Variants in ZNF69 observed in about 807,000 individuals in gnomAD.
The protein encoded by ZNF69 is zinc finger protein 69, also known as ZNF3.
ZNF69 carries 47 observed loss-of-function variants against 50.9 expected under a neutral mutation model. The observed-to-expected ratio is 0.92, with a 90% CI of 0.73 to 1.18. ZNF69 has a LOEUF of 1.18. Ranked by LOEUF, ZNF69 falls within the 50% of genes most tolerant of loss-of-function variation. The pLI, the probability that ZNF69 is intolerant of heterozygous loss-of-function variation, is 0.00. For missense variants in ZNF69, 717 were observed against 675.1 expected (o/e 1.06, Z -0.69); for synonymous variants, 216 against 223.1 (o/e 0.97, Z 0.29).
the ZNF69 span, among the ~76,000 whole-genome samples, chr19:11,974,065 TTTCTTTTCTTTC>T: frequency 7.1e-6 from 1 of 140,656 alleles, no homozygotes; most frequent in East Asian, 2.0e-4. Flanking sequence ...TCTTTCCTTC[TTTCTTTTCTTTC>T]TTTCTTTCTT....
chr19:11,915,633 G>T (rs192302278), downstream of ZNF69, among the ~76,000 whole-genome samples: 1 of 152,324 alleles, frequency 6.6e-6, no homozygotes, highest in African/African-American at 2.4e-5. Context: ...ACCAGGTGGG[G>T]TGGCTCACGC....
chr19:11,938,420 T>C, the ZNF69 span, among the ~76,000 whole-genome samples: 1 of 152,114 alleles, frequency 6.6e-6, no homozygotes, highest in Admixed American at 6.6e-5. Context: ...GTGTGTGATG[T>C]TCCCCTCCCT....
chr19:11,950,429 C>G, the ZNF69 span: 2 of 745,846 alleles, frequency 2.7e-6, no homozygotes, highest in Non-Finnish European at 4.7e-6. Flanking sequence ...CCTTTTACTT[C>G]TTTTCAATGT....
chr19:11,909,081 A>G, downstream of ZNF69, among the ~76,000 whole-genome samples: 1 of 152,236 alleles, frequency 6.6e-6, no homozygotes, highest in East Asian at 1.9e-4. Flanking sequence ...GAAGAAATGG[A>G]TAAATTCCTG....
chr19:11,926,367 G>A, the ZNF69 span, among the ~76,000 whole-genome samples: 1 of 152,144 alleles, frequency 6.6e-6, no homozygotes, highest in Non-Finnish European at 1.5e-5. Context: ...TTGGCCAAGA[G>A]CCGGTCACTT....
the ZNF69 span, chr19:11,978,705 T>G: frequency 1.2e-6 from 2 of 1,614,134 alleles, no homozygotes; most frequent in Non-Finnish European, 1.7e-6. Flanking sequence ...ATGTCAGCAA[T>G]GTGGGAAAGC....
In ZNF69 at chr19:11,905,686, A is replaced by G; in HGVS notation, c.1289A>G (p.His430Arg). The change falls in exon 4 of 4, where the codon CAC becomes CGC. Residue 430 changes from histidine to arginine, a missense_variant. Physicochemically the swap from His to Arg is conservative, Grantham distance 29. Coordinates refer to ENST00000429654, the MANE Select transcript of ZNF69 (RefSeq NM_001364730.1). ...QCGKAFRSSS[H>R]LQLHGRTHTG... The stretch of plus-strand genomic sequence containing the variant: ...GGGAAGGCCTTCAGATCTTCCTCAC[A>G]CCTTCAATTGCATGGTAGGACTCAC... 6.2e-7 allele frequency: 1 copy of G among 1,613,208 alleles called. No homozygotes were observed. The highest frequency in any genetic ancestry group is 8.5e-7 in the Non-Finnish European group (1 of 1,179,720).
rs144521201 is a variant in ZNF69, at chr19:11,902,787, A to G, written c.64-786A>G. 9.2e-5 allele frequency among the ~76,000 whole-genome samples: 14 copies of G among 151,960 alleles called. No individual in the cohort carries two copies. In the East Asian group the frequency reaches 1.7e-3, roughly 19 times the overall value. ...ATTTTCAAGGATACACAGCCTCAGG[A>G]CTGCTAATGTTAACTTTTTCTGCAT... is the stretch of plus-strand genomic sequence containing the variant. On this transcript the variant is annotated intron_variant, in intron 1 of 3. Transcript: ENST00000429654.
At position 11,904,764 on chromosome 19, in the gene ZNF69, A is replaced by G. The variant is rs748973109; in HGVS notation, c.367A>G (p.Ile123Val). Residue 123 changes from isoleucine to valine, a missense_variant, in exon 4 of 4, where the codon ATA becomes GTA. Ile to Val is a conservative substitution (Grantham distance 29). Coordinates refer to ENST00000429654, the MANE Select transcript of ZNF69 (RefSeq NM_001364730.1). ...CCAGGAGAAGAAAGCTTCTCCTGAA[A>G]TAAAATCATGTGACAGCTTTGTGTG... is the stretch of plus-strand genomic sequence containing the variant. ...NFQEKKASPE[I>V]KSCDSFVCGE... The G allele has an allele frequency of 6.8e-6, 11 of 1,613,972 alleles. No individual in the cohort carries two copies. The Admixed American group carries it at 8.3e-5, about 12-fold the overall frequency.
At chr19:11,967,313 G>A in the ZNF69 span, among the ~76,000 whole-genome samples, 4 of 152,054 alleles carry the variant, frequency 2.6e-5, no homozygotes, top group African/African-American at 9.7e-5. Flanking sequence ...CTCCAGTGTG[G>A]GTAACAGAGT....
Position 11,906,328 on chromosome 19 carries a change from A to C in ZNF69, c.*230A>C, listed in dbSNP as rs1002329610. Reference sequence around the variant, plus strand: ...GTCTGACAGCTTTGAAGAGAGTAGCAGTCCTCCCAGCATGGAGTTTGAGAT... The same window carrying C: ...GTCTGACAGCTTTGAAGAGAGTAGCCGTCCTCCCAGCATGGAGTTTGAGAT... On this transcript the variant is annotated 3_prime_UTR_variant, in exon 4 of 4. Coordinates refer to ENST00000429654, the MANE Select transcript of ZNF69 (RefSeq NM_001364730.1). 11 of 1,220,578 alleles carry C rather than the reference A, an allele frequency of 9.0e-6. No individual in the cohort carries two copies. The African/African-American group carries it at 1.7e-4, about 19-fold the overall frequency. The allele number at this position is 1,220,578 out of a possible 1,614,324, so 75.6% of individuals were successfully genotyped here. A position where few individuals can be genotyped will look rare whatever the true frequency, so the allele number is the denominator to read the frequency against.
At position 11,903,668 on chromosome 19, in the gene ZNF69, G is replaced by A. The variant is rs1387826035; in HGVS notation, c.159G>A (p.Met53Ile). 6.2e-7 allele frequency: 1 copy of A among 1,614,114 alleles called. No individual in the cohort carries two copies. The highest frequency in any genetic ancestry group is 1.7e-5 in the Admixed American group (1 of 60,012). ...ISQRKLYKEV[M>I]LETFRNLTSV... ...AGAGGAAACTCTACAAGGAAGTGATGCTGGAAACTTTCAGGAACCTGACCT... is the reference window on the plus strand; with the variant it reads ...AGAGGAAACTCTACAAGGAAGTGATACTGGAAACTTTCAGGAACCTGACCT... The change falls in exon 2 of 4, where the codon ATG becomes ATA. Residue 53 changes from methionine to isoleucine, a missense_variant. Physicochemically the swap from Met to Ile is conservative, Grantham distance 10 (BLOSUM62 1). Coordinates refer to ENST00000429654, the MANE Select transcript of ZNF69 (RefSeq NM_001364730.1).
the ZNF69 span, among the ~76,000 whole-genome samples, chr19:11,961,372 A>C: frequency 6.6e-6 from 1 of 152,194 alleles, no homozygotes; most frequent in Non-Finnish European, 1.5e-5. Flanking sequence ...GAACTGTGAG[A>C]AACAAATTTC....
chr19:11,953,860 G>C, the ZNF69 span, among the ~76,000 whole-genome samples: 1 of 152,104 alleles, frequency 6.6e-6, no homozygotes, highest in Non-Finnish European at 1.5e-5. Context: ...TCAAAGGTAA[G>C]CTTTCAGAAT....
chr19:11,894,108 C>T (rs1224602414), intron 1 of ZNF69, among the ~76,000 whole-genome samples: 1 of 152,202 alleles, frequency 6.6e-6, no homozygotes, highest in Non-Finnish European at 1.5e-5. Context: ...TTCAGAGAAT[C>T]ACCACCAGAC....
At chr19:11,895,805 T>C (rs1229392898) in intron 1 of ZNF69, among the ~76,000 whole-genome samples, 1 of 152,226 alleles carries the variant, frequency 6.6e-6, no homozygotes, top group Non-Finnish European at 1.5e-5. Flanking sequence ...GTGGAGATGA[T>C]GGGTAGTAAA....
chr19:11,928,140 G>A, the ZNF69 span, among the ~76,000 whole-genome samples: 1 of 151,992 alleles, frequency 6.6e-6, no homozygotes, highest in Admixed American at 6.6e-5. Context: ...TTGCCCACCA[G>A]CACACCTGGC....
At chr19:11,899,251 T>TTCA (rs1972192954) in intron 1 of ZNF69, among the ~76,000 whole-genome samples, 1 of 152,344 alleles carries the variant, frequency 6.6e-6, no homozygotes, top group African/African-American at 2.4e-5. Context: ...AAAATATGCA[T>TTCA]TGAAGGTCTC....
the ZNF69 span, among the ~76,000 whole-genome samples, chr19:11,943,981 G>C: frequency 6.6e-6 from 1 of 151,982 alleles, no homozygotes; most frequent in Non-Finnish European, 1.5e-5. Context: ...ACATGACTGT[G>C]GTGGATCCAG....
Sources: gnomAD v4.1 joint callset for allele counts (sites outside exome capture counted in the v4.1 genomes callset) on GRCh38, gnomAD v4.1.1 for gene constraint, MANE v1.5 for transcripts, NCBI Gene and HGNC (gene_info 2026-07-23, HGNC 2026-07-21) for gene names.